SPATA13: variants seen among roughly 807,000 people sequenced by gnomAD.
The protein encoded by SPATA13 is spermatogenesis-associated protein 13.
A neutral mutation model predicts 104.0 loss-of-function variants in SPATA13; 50 were observed. That is an observed-to-expected ratio of 0.48 (90% CI 0.38 to 0.61). The LOEUF (loss-of-function observed/expected upper bound fraction) is 0.61, where lower values mean the gene tolerates loss of function less well. SPATA13 is among the 20% of genes least tolerant of loss of function. SPATA13 has a pLI of 0.00. For missense variants in SPATA13, 1,524 were observed against 1,690.6 expected, an observed-to-expected ratio of 0.90 and a Z score of 1.73; for synonymous variants, 606 against 667.5, an observed-to-expected ratio of 0.91 and a Z score of 1.42.
At chr13:24,165,243 C>T in intron 1 of SPATA13, among the ~76,000 whole-genome samples, 1 of 152,148 alleles carries the variant, frequency 6.6e-6, no homozygotes, top group East Asian at 1.9e-4. Flanking sequence ...CAGACATTGT[C>T]ACTTGAGGGA....
chr13:24,185,724 G>GTT (rs34688488), intron 1 of SPATA13, among the ~76,000 whole-genome samples: 58,841 of 148,364 alleles, frequency 0.4, 13,848 homozygotes, highest in Non-Finnish European at 0.53. Flanking sequence ...AATAGATGCA[G>GTT]TTTTTTTTTT....
chr13:24,234,646 A>G (rs1400095717), intron 2 of SPATA13, among the ~76,000 whole-genome samples: 1 of 152,254 alleles, frequency 6.6e-6, no homozygotes, highest in Non-Finnish European at 1.5e-5. Context: ...TACTTCTGAC[A>G]GTCTGGGGAC....
chr13:24,133,777 A>G (rs1881463486), intron 3 of SPATA13, among the ~76,000 whole-genome samples: 1 of 152,206 alleles, frequency 6.6e-6, no homozygotes, highest in African/African-American at 2.4e-5. Flanking sequence ...CGGGGCCACA[A>G]AAAGGAAATA....
At chr13:23,991,595 C>A (rs2765156) in intron 2 of SPATA13, among the ~76,000 whole-genome samples, 92,933 of 151,944 alleles carry the variant, frequency 0.61, 29,647 homozygotes, top group Non-Finnish European at 0.71. Context: ...CTATTACTGC[C>A]TTCTTTTCTC....
intron 3 of SPATA13, among the ~76,000 whole-genome samples, chr13:24,043,315 C>G (rs1878001388): frequency 8.9e-6 from 1 of 112,392 alleles, no homozygotes; most frequent in African/African-American, 2.6e-5. Context: ...GTGGTGGATG[C>G]TACCCTTTTT....
chr13:24,005,773 G>A (rs964687473), intron 2 of SPATA13, among the ~76,000 whole-genome samples: 2 of 152,204 alleles, frequency 1.3e-5, no homozygotes, highest in Non-Finnish European at 2.9e-5. Context: ...AACCCTGAAA[G>A]CTAGATCTGA....
In SPATA13 at chr13:24,033,637, G is replaced by A. The variant is rs572597554; in HGVS notation, c.-112+15936G>A. The A allele has an allele frequency of 3.1e-4, 47 of 152,500 alleles. 1 individual carries two copies. The highest frequency in any genetic ancestry group is 1.0e-3 in the African/African-American group (43 of 41,580). 9.4% of individuals were successfully genotyped at this position (152,500 alleles called of 1,614,324 possible). Reference sequence around the variant, plus strand: ...GCCCAGCCTGCAGTGGGGACCTGGTGTGGCATTGAGTGGCTGTGAGTGCTC... The same window carrying A: ...GCCCAGCCTGCAGTGGGGACCTGGTATGGCATTGAGTGGCTGTGAGTGCTC... On this transcript the variant is annotated intron_variant, in intron 3 of 14. Coordinates refer to the SPATA13 transcript ENST00000424834.
chr13:24,027,642 G>A (rs895273582), intron 3 of SPATA13, among the ~76,000 whole-genome samples: 2 of 152,044 alleles, frequency 1.3e-5, no homozygotes, highest in East Asian at 1.9e-4. Context: ...GTTCATTAAT[G>A]TTCAGTTCTT....
intron 3 of SPATA13, among the ~76,000 whole-genome samples, chr13:24,076,682 A>G (rs1879339178): frequency 6.6e-6 from 1 of 151,868 alleles, no homozygotes; most frequent in African/African-American, 2.4e-5. Flanking sequence ...GGACACAGGG[A>G]GGTGCAAGGA....
chr13:24,102,462 C>T (rs1029876301), intron 3 of SPATA13, among the ~76,000 whole-genome samples: 1 of 141,326 alleles, frequency 7.1e-6, no homozygotes. Flanking sequence ...TTTTCATTTG[C>T]TTCACAGAAT....
intron 10 of SPATA13, 76 bp from the exon 11 acceptor site, chr13:24,297,287 C>T: frequency 2.6e-6 from 4 of 1,514,330 alleles, no homozygotes; most frequent in Non-Finnish European, 3.5e-6. Context: ...GATCCTCCCA[C>T]CTTGGCTTCT....
intron 1 of SPATA13, among the ~76,000 whole-genome samples, chr13:24,171,411 C>G (rs1461244247): frequency 3.9e-5 from 6 of 152,166 alleles, no homozygotes; most frequent in African/African-American, 1.4e-4. Context: ...ATGCTGATGC[C>G]ATCACACGTG....
At chr13:24,204,939 T>A (rs558867500) in intron 1 of SPATA13, among the ~76,000 whole-genome samples, 1 of 152,226 alleles carries the variant, frequency 6.6e-6, no homozygotes, top group African/African-American at 2.4e-5. Context: ...TCTGCATACA[T>A]CAAAATAATA....
chr13:24,250,993 T>TA (rs1488055906), intron 3 of SPATA13, among the ~76,000 whole-genome samples: 3 of 152,120 alleles, frequency 2.0e-5, no homozygotes, highest in African/African-American at 7.2e-5. Flanking sequence ...AGGAATTACA[T>TA]AAGCAGGATA....
chr13:24,061,340 A>G (rs1019996156), intron 3 of SPATA13, among the ~76,000 whole-genome samples: 3 of 152,226 alleles, frequency 2.0e-5, no homozygotes, highest in Non-Finnish European at 4.4e-5. Context: ...AACAACTGCC[A>G]TTTGACCCAA....
intron 5 of SPATA13, among the ~76,000 whole-genome samples, chr13:24,285,972 C>T (rs1481865099): frequency 3.3e-5 from 5 of 152,146 alleles, no homozygotes; most frequent in African/African-American, 7.2e-5. Context: ...TGAGTCACCA[C>T]GCCCAGTTTA....
At chr13:24,227,653 C>A (rs1021048340) in intron 2 of SPATA13, among the ~76,000 whole-genome samples, 1 of 152,094 alleles carries the variant, frequency 6.6e-6, no homozygotes, top group Non-Finnish European at 1.5e-5. Flanking sequence ...TCACTGCAAC[C>A]TTTGCCTCAC....
At chr13:24,027,284 G>A (rs1447722155) in intron 3 of SPATA13, among the ~76,000 whole-genome samples, 9 of 151,972 alleles carry the variant, frequency 5.9e-5, no homozygotes, top group African/African-American at 1.4e-4. Context: ...ACAGGCGTGC[G>A]CCACCACACC....
chr13:24,070,847 C>G (rs1215456650), intron 3 of SPATA13, among the ~76,000 whole-genome samples: 1 of 152,046 alleles, frequency 6.6e-6, no homozygotes, highest in African/African-American at 2.4e-5. Flanking sequence ...ACCAAAATAG[C>G]AGCTCTTCCT....
Sources: gnomAD v4.1 joint callset for allele counts (sites outside exome capture counted in the v4.1 genomes callset) on GRCh38, gnomAD v4.1.1 for gene constraint, MANE v1.5 for transcripts, NCBI Gene and HGNC (gene_info 2026-07-23, HGNC 2026-07-21) for gene names.